RBMS3: variants seen among roughly 807,000 people sequenced by gnomAD.
RBMS3 encodes RNA binding motif single stranded interacting protein 3, also known as RNA-binding motif, single-stranded-interacting protein 3.
A neutral mutation model predicts 66.8 loss-of-function variants in RBMS3; 27 were observed. The ratio of observed to expected loss-of-function variants is 0.40; its 90% CI spans 0.30 to 0.56. The LOEUF (loss-of-function observed/expected upper bound fraction) is 0.56. Ranked by LOEUF, RBMS3 falls within the 20% of genes least tolerant of loss-of-function variation. The probability of loss-of-function intolerance (pLI) is 0.40; values close to 1 mark genes in which losing one functional copy is unlikely to be tolerated. For missense variants in RBMS3, 513 were observed against 549.5 expected, an observed-to-expected ratio of 0.93 and a Z score of 0.66; for synonymous variants, 188 against 183.0, an observed-to-expected ratio of 1.03 and a Z score of -0.22.
chr3:29,396,125 G>A (rs911140508), intron 1 of RBMS3, among the ~76,000 whole-genome samples: 11 of 152,078 alleles, frequency 7.2e-5, no homozygotes, highest in East Asian at 3.8e-4. Context: ...GGATAGAGGC[G>A]CAGCTGGATA....
chr3:29,415,704 A>T (rs959634309), intron 1 of RBMS3, among the ~76,000 whole-genome samples: 2 of 152,148 alleles, frequency 1.3e-5, no homozygotes, highest in South Asian at 2.1e-4. Flanking sequence ...GAAAAGGCAG[A>T]TGTGGGAGAC....
intron 10 of RBMS3, among the ~76,000 whole-genome samples, chr3:29,921,572 C>G (rs1296329597): frequency 1.3e-5 from 2 of 151,998 alleles, no homozygotes; most frequent in Admixed American, 1.3e-4. Flanking sequence ...ATCAATTAAC[C>G]AGTGAGTTGA....
chr3:29,301,556 T>G (rs1485709292), intron 1 of RBMS3, among the ~76,000 whole-genome samples: 2 of 152,008 alleles, frequency 1.3e-5, no homozygotes, highest in Non-Finnish European at 1.5e-5. Flanking sequence ...GATCCTTTAG[T>G]GTGGGTCTAC....
At chr3:29,317,891 C>A (rs577950440) in intron 1 of RBMS3, among the ~76,000 whole-genome samples, 103 of 151,828 alleles carry the variant, frequency 6.8e-4, no homozygotes, top group African/African-American at 2.3e-3. Context: ...GAGTTATGAG[C>A]CTTTTATCTG....
intron 1 of RBMS3, among the ~76,000 whole-genome samples, chr3:29,357,219 C>T (rs1419079066): frequency 6.6e-6 from 1 of 151,894 alleles, no homozygotes; most frequent in Non-Finnish European, 1.5e-5. Context: ...CCACAACAGG[C>T]CCCGGTGTGT....
intron 1 of RBMS3, among the ~76,000 whole-genome samples, chr3:29,343,909 C>G (rs2036426361): frequency 6.6e-6 from 1 of 152,136 alleles, no homozygotes; most frequent in Non-Finnish European, 1.5e-5. Context: ...TTATCCTTGC[C>G]CTTCACTACA....
At chr3:29,928,513 T>C (rs904887462) in intron 10 of RBMS3, among the ~76,000 whole-genome samples, 1 of 152,004 alleles carries the variant, frequency 6.6e-6, no homozygotes, top group Non-Finnish European at 1.5e-5. Context: ...GTGCAATACA[T>C]CTGTATAGGA....
intron 4 of RBMS3, among the ~76,000 whole-genome samples, chr3:29,639,088 A>G (rs974818661): frequency 5.9e-5 from 9 of 151,830 alleles, no homozygotes; most frequent in African/African-American, 2.2e-4. Context: ...CAAAAATGAC[A>G]TTGTAAGGAA....
At chr3:29,866,205 G>A (rs1034924998) in intron 6 of RBMS3, among the ~76,000 whole-genome samples, 1 of 151,868 alleles carries the variant, frequency 6.6e-6, no homozygotes, top group Non-Finnish European at 1.5e-5. Context: ...CTTGACAATG[G>A]TGATGGTCAC....
At chr3:29,938,850 C>A (rs2061328065) in intron 11 of RBMS3, among the ~76,000 whole-genome samples, 1 of 151,954 alleles carries the variant, frequency 6.6e-6, no homozygotes, top group Non-Finnish European at 1.5e-5. Context: ...TACTTAACCT[C>A]TCAGAACTTT....
chr3:29,998,289 T>G (rs1699383093), intron 14 of RBMS3, among the ~76,000 whole-genome samples: 1 of 152,108 alleles, frequency 6.6e-6, no homozygotes, highest in Non-Finnish European at 1.5e-5. Flanking sequence ...TGGAAGAACA[T>G]TCCATGCTCA....
At chr3:29,906,891 A>G (rs2060394026) in intron 10 of RBMS3, among the ~76,000 whole-genome samples, 1 of 152,106 alleles carries the variant, frequency 6.6e-6, no homozygotes. Flanking sequence ...CCATTTACCA[A>G]AATGATATCA....
At chr3:29,569,324 T>C (rs947609745) in intron 3 of RBMS3, among the ~76,000 whole-genome samples, 2 of 152,094 alleles carry the variant, frequency 1.3e-5, no homozygotes, top group African/African-American at 4.8e-5. Flanking sequence ...CTGTAAGTCA[T>C]GAACCTCCAG....
At chr3:29,987,712 TACTA>T (rs1445954282) in intron 12 of RBMS3, among the ~76,000 whole-genome samples, 2 of 152,174 alleles carry the variant, frequency 1.3e-5, no homozygotes, top group African/African-American at 4.8e-5. Context: ...AAATAAATAT[TACTA>T]ACCATTTATA....
intron 6 of RBMS3, among the ~76,000 whole-genome samples, chr3:29,781,422 T>A (rs191314662): frequency 1.0e-3 from 159 of 152,264 alleles, no homozygotes; most frequent in Non-Finnish European, 1.9e-3. Flanking sequence ...TTAAATGGTT[T>A]TATACCGCAT....
intron 6 of RBMS3, among the ~76,000 whole-genome samples, chr3:29,843,827 T>C (rs2058717297): frequency 6.6e-6 from 1 of 151,886 alleles, no homozygotes. Context: ...TATGCATCTG[T>C]AGTACCAGCT....
At chr3:29,979,213 A>G (rs1417503771) in intron 12 of RBMS3, among the ~76,000 whole-genome samples, 1 of 152,168 alleles carries the variant, frequency 6.6e-6, no homozygotes, top group African/African-American at 2.4e-5. Flanking sequence ...TCCTCGTTAT[A>G]TAAGAACCTA....
chr3:29,937,222 TG>T (rs1395143224), intron 11 of RBMS3, among the ~76,000 whole-genome samples: 3 of 151,992 alleles, frequency 2.0e-5, no homozygotes, highest in African/African-American at 7.2e-5. Flanking sequence ...TCTATCTAGT[TG>T]AAGTATTAAA....
intron 6 of RBMS3, among the ~76,000 whole-genome samples, chr3:29,795,335 C>G (rs1319015407): frequency 2.0e-5 from 3 of 152,190 alleles, no homozygotes; most frequent in African/African-American, 7.2e-5. Context: ...ATATACTCCA[C>G]CTCTGAAAAC....
Sources: allele counts gnomAD v4.1 joint callset (sites outside exome capture counted in the v4.1 genomes callset), GRCh38; gene constraint gnomAD v4.1.1; transcripts MANE v1.5; gene names NCBI Gene and HGNC (gene_info 2026-07-23, HGNC 2026-07-21).